The following ANTXR2 variants were observed in gnomAD, a reference collection of about 807,000 sequenced individuals.
The protein encoded by ANTXR2 is ANTXR cell adhesion molecule 2.
ANTXR2 carries 44 observed loss-of-function variants against 73.7 expected under a neutral mutation model. The observed-to-expected ratio is 0.60, with a 90% CI of 0.47 to 0.77. The LOEUF is 0.77. Among genes scored for constraint, ANTXR2 ranks in the 30% least tolerant of loss-of-function variants. The pLI is 0.00. For synonymous variants in ANTXR2, 217 were observed against 205.9 expected, an observed-to-expected ratio of 1.05 and a Z score of -0.46; for missense variants, 604 against 592.5, an observed-to-expected ratio of 1.02 and a Z score of -0.20.
intron 16 of ANTXR2, among the ~76,000 whole-genome samples, chr4:79,962,999 T>C (rs1729202703): frequency 6.6e-6 from 1 of 152,148 alleles, no homozygotes; most frequent in Non-Finnish European, 1.5e-5. Flanking sequence ...AAAGACCCAC[T>C]AGTGGTTACA....
intron 12 of ANTXR2, among the ~76,000 whole-genome samples, chr4:79,986,798 G>A (rs1730186984): frequency 6.6e-6 from 1 of 152,168 alleles, no homozygotes; most frequent in African/African-American, 2.4e-5. Context: ...AGTGCAGAAA[G>A]TGTTTGACCT....
intron 16 of ANTXR2, among the ~76,000 whole-genome samples, chr4:79,966,549 A>G (rs1253395119): frequency 6.6e-6 from 1 of 152,182 alleles, no homozygotes; most frequent in African/African-American, 2.4e-5. Flanking sequence ...TATTTTCTGA[A>G]TAGGTAAATT....
At position 79,902,010 on chromosome 4, in the gene ANTXR2, A is replaced by G. The variant is rs1021066374; in HGVS notation, c.*5419T>C. 6 of 152,272 alleles carry G rather than the reference A, an allele frequency of 3.9e-5. No homozygotes were observed. The highest frequency in any genetic ancestry group is 1.4e-4 in the African/African-American group (6 of 41,566). 9.4% of individuals were successfully genotyped at this position (152,272 alleles called of 1,614,324 possible). On this transcript the variant is annotated 3_prime_UTR_variant, in exon 17 of 17. Transcript: ENST00000403729. ...ACAGGCCATGGACCAGTACCAGTCC[A>G]TGACCTGGGGGATGGGATCCCTGCT...
intron 16 of ANTXR2, among the ~76,000 whole-genome samples, chr4:79,966,978 C>CG (rs1729395443): frequency 3.7e-5 from 1 of 26,772 alleles, no homozygotes; most frequent in Non-Finnish European, 1.7e-4. Context: ...ACGCAGAAGA[C>CG]GGTGATTTCT....
At chr4:79,999,551 C>T (rs1214835145) in intron 12 of ANTXR2, among the ~76,000 whole-genome samples, 2 of 151,898 alleles carry the variant, frequency 1.3e-5, no homozygotes, top group Admixed American at 1.3e-4. Flanking sequence ...GTGAATCTAT[C>T]CCATAATAAT....
intron 16 of ANTXR2, among the ~76,000 whole-genome samples, chr4:79,908,639 A>G (rs1427747678): frequency 6.6e-6 from 1 of 152,190 alleles, no homozygotes; most frequent in Non-Finnish European, 1.5e-5. Flanking sequence ...TGGAAGCAAC[A>G]TTATTACTAC....
chr4:80,069,630 A>G (rs982193174), intron 2 of ANTXR2, 123 bp from the exon 3 acceptor site: 1 of 699,290 alleles, frequency 1.4e-6, no homozygotes. Flanking sequence ...CTTCTTTTAA[A>G]TGACATTCCC....
chr4:79,995,852 C>T (rs569804638), intron 12 of ANTXR2, among the ~76,000 whole-genome samples: 1 of 152,082 alleles, frequency 6.6e-6, no homozygotes, highest in South Asian at 2.1e-4. Flanking sequence ...ATCTAAATCA[C>T]ATTTTGATCT....
chr4:80,012,605 C>T (rs977792456), intron 11 of ANTXR2, among the ~76,000 whole-genome samples: 1 of 152,072 alleles, frequency 6.6e-6, no homozygotes, highest in Non-Finnish European at 1.5e-5. Context: ...AATGTAGAAT[C>T]TGGTTTAAAA....
intron 16 of ANTXR2, among the ~76,000 whole-genome samples, chr4:79,916,098 A>G (rs758452769): frequency 1.3e-5 from 2 of 151,940 alleles, no homozygotes; most frequent in African/African-American, 2.4e-5. Flanking sequence ...CAGTATCTTT[A>G]ATCTGTCATG....
intron 12 of ANTXR2, among the ~76,000 whole-genome samples, chr4:80,005,549 T>C (rs184416371): frequency 2.0e-5 from 3 of 152,276 alleles, no homozygotes; most frequent in East Asian, 3.9e-4. Flanking sequence ...GATTGTATTA[T>C]AATACCCTCT....
intron 16 of ANTXR2, among the ~76,000 whole-genome samples, chr4:79,965,351 T>C (rs1432968198): frequency 6.6e-6 from 1 of 152,222 alleles, no homozygotes; most frequent in African/African-American, 2.4e-5. Context: ...AGCTGTGTTT[T>C]ATTGTCTCTC....
intron 3 of ANTXR2, among the ~76,000 whole-genome samples, chr4:80,061,376 C>G (rs532819121): frequency 2.6e-4 from 39 of 151,990 alleles, no homozygotes; most frequent in African/African-American, 9.4e-4. Context: ...CTCACACACT[C>G]ATGTTGTCAA....
chr4:79,947,112 G>C (rs1049890570), intron 16 of ANTXR2, among the ~76,000 whole-genome samples: 1 of 152,058 alleles, frequency 6.6e-6, no homozygotes, highest in African/African-American at 2.4e-5. Flanking sequence ...CTGTTTTAAG[G>C]GCATTAAGAT....
In ANTXR2 at chr4:80,056,011, C is replaced by T. The variant is rs759906118; in HGVS notation, c.299G>A (p.Gly100Asp). The T allele has an allele frequency of 1.0e-5, 16 of 1,544,770 alleles. No individual in the cohort carries two copies. The highest frequency in any genetic ancestry group is 1.3e-5 in the Non-Finnish European group (15 of 1,146,292). ...ATCCTCCAAGCCTTTACTGATTTTG[C>T]CTCTGAAAATAATATTAAACAAAAG... ...TIILPLTGDR[G>D]KISKGLEDLK... is the part of the protein sequence containing the mutation. The change falls in exon 4 of 17, where the codon GGC (glycine) becomes GAC (aspartate). Residue 100 changes from glycine to aspartate, a missense_variant and splice_region_variant. Coordinates refer to ENST00000403729, the MANE Select transcript of ANTXR2 (RefSeq NM_058172.6).
At chr4:80,030,088 C>G (rs976808946) in intron 10 of ANTXR2, among the ~76,000 whole-genome samples, 1 of 151,906 alleles carries the variant, frequency 6.6e-6, no homozygotes, top group Non-Finnish European at 1.5e-5. Context: ...ATAATCCAAG[C>G]AAGAGATGGC....
chr4:79,984,176 T>C (rs750652428), intron 13 of ANTXR2, among the ~76,000 whole-genome samples: 20 of 152,174 alleles, frequency 1.3e-4, no homozygotes, highest in Non-Finnish European at 2.5e-4. Context: ...CCTCCTCAAA[T>C]TTCAGGAATC....
chr4:79,946,350 C>A (rs1031608834), intron 16 of ANTXR2, among the ~76,000 whole-genome samples: 1 of 152,122 alleles, frequency 6.6e-6, no homozygotes, highest in African/African-American at 2.4e-5. Flanking sequence ...TCAGAAACAA[C>A]CCATTTCTGT....
At chr4:79,912,079 T>C (rs1173155829) in intron 16 of ANTXR2, among the ~76,000 whole-genome samples, 1 of 151,960 alleles carries the variant, frequency 6.6e-6, no homozygotes, top group African/African-American at 2.4e-5. Flanking sequence ...TATAATACTC[T>C]TTGGATTCAA....
Sources: allele counts gnomAD v4.1 joint callset (sites outside exome capture counted in the v4.1 genomes callset), GRCh38; gene constraint gnomAD v4.1.1; transcripts MANE v1.5; gene names NCBI Gene and HGNC (gene_info 2026-07-23, HGNC 2026-07-21).